DPYD: variants seen among roughly 807,000 people sequenced by gnomAD.
DPYD encodes dihydropyrimidine dehydrogenase.
A neutral mutation model predicts 116.2 loss-of-function variants in DPYD; 109 were observed. That is an observed-to-expected ratio of 0.94 (90% CI 0.80 to 1.10). The LOEUF is 1.10. Among genes scored for constraint, DPYD ranks in the 50% least tolerant of loss-of-function variants. The pLI, the probability that DPYD is intolerant of heterozygous loss-of-function variation, is 0.00. For missense variants in DPYD, 1,302 were observed against 1,254.5 expected (o/e 1.04, Z -0.57); for synonymous variants, 440 against 432.0 (o/e 1.02, Z -0.23).
intron 3 of DPYD, among the ~76,000 whole-genome samples, chr1:97,768,098 G>T (rs77871763): frequency 6.6e-6 from 1 of 152,006 alleles, no homozygotes; most frequent in Non-Finnish European, 1.5e-5. Context: ...TCAGGTCCTC[G>T]AAAGTTTTGG....
At chr1:97,207,505 G>T (rs1412805832) in intron 19 of DPYD, among the ~76,000 whole-genome samples, 1 of 152,064 alleles carries the variant, frequency 6.6e-6, no homozygotes, top group Non-Finnish European at 1.5e-5. Flanking sequence ...CAGTCTGGAT[G>T]CCTGAGTCTT....
chr1:97,764,387 C>A (rs983746924), intron 3 of DPYD, among the ~76,000 whole-genome samples: 1 of 151,950 alleles, frequency 6.6e-6, no homozygotes, highest in Admixed American at 6.6e-5. Context: ...TTGTATAATT[C>A]CAAAACACTT....
intron 18 of DPYD, among the ~76,000 whole-genome samples, chr1:97,279,628 A>G (rs1665177212): frequency 6.6e-6 from 1 of 152,176 alleles, no homozygotes; most frequent in African/African-American, 2.4e-5. Context: ...CTCCTGCCTC[A>G]GCCTCCGAGT....
chr1:97,554,451 C>A (rs1302404838), intron 11 of DPYD, among the ~76,000 whole-genome samples: 4 of 151,970 alleles, frequency 2.6e-5, no homozygotes, highest in African/African-American at 9.7e-5. Context: ...TCAACATTTA[C>A]AATAAAATGA....
chr1:97,190,553 T>C (rs1018446249), intron 20 of DPYD, among the ~76,000 whole-genome samples: 2 of 152,156 alleles, frequency 1.3e-5, no homozygotes, highest in African/African-American at 4.8e-5. Context: ...TGACTGTTCT[T>C]CTCAGGAATT....
chr1:97,486,743 T>G (rs1296655733), intron 13 of DPYD, among the ~76,000 whole-genome samples: 2 of 152,116 alleles, frequency 1.3e-5, no homozygotes, highest in African/African-American at 4.8e-5. Context: ...TACCTTTAGT[T>G]TTGTTCTTAT....
At position 97,646,920 on chromosome 1, in the gene DPYD, T is replaced by C. The variant is rs561436180; in HGVS notation, c.850+32175A>G. On this transcript the variant is annotated intron_variant, in intron 8 of 22. Coordinates refer to ENST00000370192, the MANE Select transcript of DPYD (RefSeq NM_000110.4). ...AAAATCAAGTTCAGAAAGCTCTTGG[T>C]TGCTGTTGTTTCTTCCCCTCACCAG... Among the ~76,000 whole-genome samples the C allele has an allele frequency of 3.3e-5, 5 of 152,236 alleles. No homozygotes were observed. The South Asian group carries it at 8.3e-4, about 25-fold the overall frequency.
chr1:97,799,717 C>CT (rs138436962), intron 3 of DPYD, among the ~76,000 whole-genome samples: 5 of 151,700 alleles, frequency 3.3e-5, no homozygotes, highest in Admixed American at 2.6e-4. Context: ...CTTATCAAAA[C>CT]TTTTTTTTGT....
chr1:97,525,577 T>C (rs1415301791), intron 12 of DPYD, among the ~76,000 whole-genome samples: 2 of 152,156 alleles, frequency 1.3e-5, no homozygotes, highest in East Asian at 3.9e-4. Context: ...TCAAATTAGT[T>C]TCCAGTAAGG....
intron 4 of DPYD, among the ~76,000 whole-genome samples, chr1:97,724,299 GGGGGGGGGGTGTGTGT>G (rs1663094455): frequency 6.5e-5 from 1 of 15,356 alleles, no homozygotes; most frequent in African/African-American, 2.5e-4. Context: ...TATGTGGGGG[GGGGGGGGGGTGTGTGT>G]GTGTGTGTGT....
chr1:97,343,894 G>T (rs115082135), intron 16 of DPYD, among the ~76,000 whole-genome samples: 1 of 151,820 alleles, frequency 6.6e-6, no homozygotes, highest in African/African-American at 2.4e-5. Context: ...ATTTTAACTC[G>T]TTTATATTTA....
intron 5 of DPYD, among the ~76,000 whole-genome samples, chr1:97,721,112 T>C (rs1662899118): frequency 6.6e-6 from 1 of 151,778 alleles, no homozygotes; most frequent in African/African-American, 2.4e-5. Flanking sequence ...AAGAATACAA[T>C]GAAATATGCT....
chr1:97,710,680 G>A (rs1250593520), intron 5 of DPYD, among the ~76,000 whole-genome samples: 2 of 151,420 alleles, frequency 1.3e-5, no homozygotes, highest in African/African-American at 4.8e-5. Context: ...CAATTTGGTA[G>A]GTATTGTTTA....
intron 8 of DPYD, among the ~76,000 whole-genome samples, chr1:97,611,145 C>T (rs1655919952): frequency 6.6e-6 from 1 of 152,046 alleles, no homozygotes; most frequent in Admixed American, 6.6e-5. Flanking sequence ...CTGGGAAGGC[C>T]TCACAATCAT....
At chr1:97,105,416 C>G (rs1005547674) in intron 20 of DPYD, among the ~76,000 whole-genome samples, 1 of 152,052 alleles carries the variant, frequency 6.6e-6, no homozygotes, top group Non-Finnish European at 1.5e-5. Flanking sequence ...TTGCTCCAAT[C>G]TAAATCCTCC....
chr1:97,797,528 G>A (rs1186258234), intron 3 of DPYD: 1 of 151,992 alleles, frequency 6.6e-6, no homozygotes, highest in Non-Finnish European at 1.5e-5. Flanking sequence ...GACATCATAA[G>A]AAGTCCTGAA....
intron 3 of DPYD, among the ~76,000 whole-genome samples, chr1:97,815,514 T>C (rs899433358): frequency 6.6e-6 from 1 of 152,148 alleles, no homozygotes; most frequent in East Asian, 1.9e-4. Context: ...CAAGAAAGGA[T>C]AGTCAATTGA....
intron 10 of DPYD, among the ~76,000 whole-genome samples, chr1:97,589,061 G>A (rs1167944798): frequency 6.6e-6 from 1 of 152,020 alleles, no homozygotes; most frequent in Non-Finnish European, 1.5e-5. Flanking sequence ...CTAGGGACAG[G>A]GCCCAGCAAT....
chr1:97,675,485 A>G (rs1012297668), intron 8 of DPYD, among the ~76,000 whole-genome samples: 2 of 152,194 alleles, frequency 1.3e-5, no homozygotes, highest in Non-Finnish European at 2.9e-5. Context: ...ATTCAATGAG[A>G]TAATTTCCTT....
Sources: allele counts gnomAD v4.1 joint callset (sites outside exome capture counted in the v4.1 genomes callset), GRCh38; gene constraint gnomAD v4.1.1; transcripts MANE v1.5; gene names NCBI Gene and HGNC (gene_info 2026-07-23, HGNC 2026-07-21).